The following MFSD8 variants were observed in gnomAD, a reference collection of about 807,000 sequenced individuals.
MFSD8 encodes the protein major facilitator superfamily domain containing 8.
In MFSD8, 55 loss-of-function variants were observed where a neutral mutation model predicts 66.4. That is an observed-to-expected ratio of 0.83 (90% CI 0.67 to 1.04). MFSD8 has a LOEUF of 1.04. Ranked by LOEUF, MFSD8 falls within the 50% of genes least tolerant of loss-of-function variation. The pLI is 0.00. For synonymous variants in MFSD8, 202 were observed against 212.8 expected (o/e 0.95, Z 0.44); for missense variants, 550 against 627.6 (o/e 0.88, Z 1.32).
intron 9 of MFSD8, 46 bp from the exon 10 acceptor site, chr4:127,922,009 A>C (rs534331777): frequency 1.8e-5 from 27 of 1,470,662 alleles, no homozygotes; most frequent in Non-Finnish European, 2.5e-5. Context: ...AAACATTATA[A>C]CATAGCTTCA....
chr4:127,954,610 T>C (rs555604660), intron 2 of MFSD8, among the ~76,000 whole-genome samples: 1 of 152,316 alleles, frequency 6.6e-6, no homozygotes, highest in Non-Finnish European at 1.5e-5. Context: ...AGCAAGACTC[T>C]GTCTCAAAAA....
In MFSD8 at chr4:127,957,553, G is replaced by A. The variant is rs139212190; in HGVS notation, c.102C>T (p.Ser34=). 15 of 1,611,846 alleles carry A rather than the reference G, an allele frequency of 9.3e-6. No individual in the cohort carries two copies. The highest frequency in any genetic ancestry group is 1.2e-5 in the Non-Finnish European group (14 of 1,178,394). The part of the protein sequence containing the change: ...DILETEEHYK[S]RWRSIRILYL... ...ATAAAATCCTAATAGATCTCCATCG[G>A]CTCTTATAATGCTCTTCAGTCTCTA... Residue 34 remains serine, a synonymous_variant, in exon 2 of 12, where the codon AGC becomes AGT. Coordinates refer to ENST00000641686, the MANE Select transcript of MFSD8 (RefSeq NM_001371596.2).
At chr4:127,965,801 T>C (rs537765381), upstream of MFSD8, 13 of 154,870 alleles carry the variant, frequency 8.4e-5, no homozygotes, top group East Asian at 1.7e-3. Flanking sequence ...GCTGAGATAA[T>C]GGGGGCGAGC....
chr4:127,921,193 T>C (rs1578792293), intron 11 of MFSD8: 1 of 577,632 alleles, frequency 1.7e-6, no homozygotes, highest in East Asian at 2.9e-5. Context: ...ATGACAGGTG[T>C]TATGCCTGTT....
chr4:127,939,612 A>G (rs1432666566), intron 6 of MFSD8: 1 of 296,858 alleles, frequency 3.4e-6, no homozygotes, highest in Non-Finnish European at 6.2e-6. Flanking sequence ...CTCAAAAAAA[A>G]AAAAAAAAAA....
At chr4:127,927,066 G>A (rs954106221) in intron 9 of MFSD8, among the ~76,000 whole-genome samples, 20 of 152,236 alleles carry the variant, frequency 1.3e-4, no homozygotes, top group South Asian at 2.1e-4. Context: ...TATAAAATAC[G>A]CTTTGTGTTA....
intron 9 of MFSD8, among the ~76,000 whole-genome samples, chr4:127,924,889 C>T (rs921039178): frequency 6.6e-6 from 1 of 152,138 alleles, no homozygotes; most frequent in Non-Finnish European, 1.5e-5. Context: ...TGTACCAAAA[C>T]AGATATATAG....
chr4:127,917,913 T>C lies in MFSD8; in HGVS notation c.*2717A>G, dbSNP rs1736001834. ...GGTCAAAAATGGTGCCCAGAATTTC[T>C]TCTCAAAATAAGTTAATCTATTCTT... On this transcript the variant is annotated 3_prime_UTR_variant, in exon 12 of 12. Transcript: ENST00000641686. 6.6e-6 allele frequency: 1 copy of C among 152,234 alleles called. No individual in the cohort carries two copies. The highest frequency in any genetic ancestry group is 2.4e-5 in the African/African-American group (1 of 41,460). 9.4% of individuals were successfully genotyped at this position (152,234 alleles called of 1,614,324 possible).
upstream of MFSD8, chr4:127,965,355 G>T: frequency 1.6e-6 from 1 of 620,646 alleles, no homozygotes. Flanking sequence ...CTCGGCACGC[G>T]CCTCCCATCC....
At chr4:127,962,912 G>T (rs995498558) in intron 1 of MFSD8, among the ~76,000 whole-genome samples, 2 of 152,154 alleles carry the variant, frequency 1.3e-5, no homozygotes, top group Non-Finnish European at 2.9e-5. Context: ...GCTCACAAAA[G>T]GTTGGTGCTT....
At chr4:127,961,678 T>C (rs547540731) in intron 1 of MFSD8, among the ~76,000 whole-genome samples, 64 of 151,800 alleles carry the variant, frequency 4.2e-4, no homozygotes, top group South Asian at 1.9e-3. Flanking sequence ...TAGCCCGGCG[T>C]GGTGACGGGC....
chr4:127,964,679 G>T, intron 1 of MFSD8: 1 of 285,666 alleles, frequency 3.5e-6, no homozygotes, highest in South Asian at 3.3e-5. Context: ...CCAGAAAGGG[G>T]CTCCCACAGT....
In MFSD8 at chr4:127,949,827, A is replaced by G. The variant is rs751847064; in HGVS notation, c.175T>C (p.Ser59Pro). The change falls in exon 3 of 12, where the codon TCC (serine) becomes CCC (proline). Residue 59 changes from serine to proline, a missense_variant. Ser to Pro is a moderately conservative substitution (Grantham distance 74). Transcript: ENST00000641686. ...SSVGFSVVMMSIWPYLQKIDP... is the reference protein window; with the variant it reads ...SSVGFSVVMMPIWPYLQKIDP... ...ACCTTTTGGAGATATGGCCATATGGACATCATCACTACAGAAAACCCTGTG... is the reference window on the plus strand; with the variant it reads ...ACCTTTTGGAGATATGGCCATATGGGCATCATCACTACAGAAAACCCTGTG... 1 of 1,612,120 alleles carries G rather than the reference A, an allele frequency of 6.2e-7. No individual in the cohort carries two copies. The highest frequency in any genetic ancestry group is 1.1e-5 in the South Asian group (1 of 90,632).
At chr4:127,956,395 G>T (rs991218978) in intron 2 of MFSD8, among the ~76,000 whole-genome samples, 3 of 151,134 alleles carry the variant, frequency 2.0e-5, no homozygotes, top group Non-Finnish European at 2.9e-5. Context: ...AGCTACTCGG[G>T]AGGCTGAGGC....
In MFSD8 at chr4:127,938,788, T is replaced by C. The variant is rs1293444178; in HGVS notation, c.749A>G (p.Glu250Gly). 1.2e-6 allele frequency: 2 copies of C among 1,609,002 alleles called. No homozygotes were observed. Among genetic ancestry groups the C allele is most frequent in the Non-Finnish European group, 1.7e-6 (2 of 1,176,372 alleles). Reference protein sequence around the residue: ...SGRQCKSINFEEASTDEAQVP... With the variant: ...SGRQCKSINFGEASTDEAQVP... ...GCCAAATGGGTTAAAAGTACCTTCT[T>C]CAAAATTAATACTTTTACACTGTCT... is the stretch of plus-strand genomic sequence containing the variant. Residue 250 changes from glutamate (E) to glycine (G), a missense_variant, in exon 7 of 12, where the codon GAA (glutamate) becomes GGA (glycine). By Grantham distance (98) the Glu-to-Gly change is moderately conservative (BLOSUM62 -2). Coordinates refer to ENST00000641686, the MANE Select transcript of MFSD8 (RefSeq NM_001371596.2).
chr4:127,928,612 G>A (rs1179075225), intron 9 of MFSD8, among the ~76,000 whole-genome samples: 1 of 152,192 alleles, frequency 6.6e-6, no homozygotes, highest in Non-Finnish European at 1.5e-5. Context: ...CGAGGATGTG[G>A]AGAAAGGGGA....
At chr4:127,944,500 T>C (rs941617264) in intron 3 of MFSD8, among the ~76,000 whole-genome samples, 1 of 152,138 alleles carries the variant, frequency 6.6e-6, no homozygotes, top group Non-Finnish European at 1.5e-5. Flanking sequence ...CTGTTATAAA[T>C]TCTTCCGTTC....
At position 127,921,778 on chromosome 4, in the gene MFSD8, A is replaced by T. The variant is rs1736371468; in HGVS notation, c.1103-7T>A. ...ATTGAATTATTGTGCAAATCTGTAAAAACAAAACCATTGCAGTGCATTACT... is the reference window on the plus strand; with the variant it reads ...ATTGAATTATTGTGCAAATCTGTAATAACAAAACCATTGCAGTGCATTACT... On this transcript the variant is annotated splice_polypyrimidine_tract_variant and splice_region_variant and intron_variant, in intron 10 of 11. Transcript: ENST00000641686. The T allele has an allele frequency of 6.2e-7, 1 of 1,614,044 alleles. No homozygotes were observed. Among genetic ancestry groups the T allele is most frequent in the African/African-American group, 1.3e-5 (1 of 74,940 alleles).
At chr4:127,942,591 A>G (rs944164145) in intron 4 of MFSD8, among the ~76,000 whole-genome samples, 2 of 151,952 alleles carry the variant, frequency 1.3e-5, no homozygotes, top group Non-Finnish European at 2.9e-5. Context: ...GAGGCAGAAG[A>G]ACTGCTTGAA....
Sources: gnomAD v4.1 joint callset for allele counts (sites outside exome capture counted in the v4.1 genomes callset) on GRCh38, gnomAD v4.1.1 for gene constraint, MANE v1.5 for transcripts, NCBI Gene and HGNC (gene_info 2026-07-23, HGNC 2026-07-21) for gene names.